Variants in TREM1 observed in about 807,000 individuals in gnomAD.
The protein encoded by TREM1 is triggering receptor expressed on monocytes 1.
Under a neutral mutation model 22.4 loss-of-function variants are expected in TREM1, and 16 were observed. That is an observed-to-expected ratio of 0.71 (90% CI 0.48 to 1.08). The LOEUF is 1.08. Among genes scored for constraint, TREM1 ranks in the 50% least tolerant of loss-of-function variants. The probability of loss-of-function intolerance (pLI) is 0.00; values close to 1 mark genes in which losing one functional copy is unlikely to be tolerated. For synonymous variants in TREM1, 110 were observed against 111.6 expected, an observed-to-expected ratio of 0.99 and a Z score of 0.09; for missense variants, 283 against 282.9, an observed-to-expected ratio of 1.00 and a Z score of 0.00.
At chr6:41,267,835 A>G (rs1767371225), downstream of TREM1, 2 of 397,420 alleles carry the variant, frequency 5.0e-6, no homozygotes, top group Non-Finnish European at 8.9e-6. Flanking sequence ...GTTTGGTTAC[A>G]TGAAGATCTT....
chr6:41,272,307 C>T (rs574551870), downstream of TREM1, among the ~76,000 whole-genome samples: 1 of 152,238 alleles, frequency 6.6e-6, no homozygotes, highest in South Asian at 2.1e-4. Flanking sequence ...GCGTCACTCA[C>T]CCCTTCAGGC....
At position 41,274,298 on chromosome 6, in the gene TREM1, A is replaced by G. The variant is rs182460396; in HGVS notation, c.*1827T>C. Among the ~76,000 whole-genome samples, 5 of 152,232 alleles carry G rather than the reference A, an allele frequency of 3.3e-5. No homozygotes were observed. The highest frequency in any genetic ancestry group is 1.9e-4 in the East Asian group (1 of 5,168). ...GTCTGCAGGGGCCCTGGACTCATAAAGCATTTGCTTTATGCTCCAGGAGAA... is the reference window on the plus strand; with the variant it reads ...GTCTGCAGGGGCCCTGGACTCATAAGGCATTTGCTTTATGCTCCAGGAGAA... On this transcript the variant is annotated 3_prime_UTR_variant, in exon 4 of 4. Transcript: ENST00000244709.
rs778281672 is a variant in TREM1, at chr6:41,282,557, C to T, written c.244G>A (p.Val82Met). 3.1e-6 allele frequency: 5 copies of T among 1,614,100 alleles called. No homozygotes were observed. The highest frequency in any genetic ancestry group is 4.2e-6 in the Non-Finnish European group (5 of 1,180,050). Reference protein sequence around the residue: ...RPSKNSHPVQVGRIILEDYHD... With the variant: ...RPSKNSHPVQMGRIILEDYHD... ...TAGTCTTCTAGTATGATCCTCCCCACTTGGACTGGATGGGAATTCTTTGAA... is the reference window on the plus strand; with the variant it reads ...TAGTCTTCTAGTATGATCCTCCCCATTTGGACTGGATGGGAATTCTTTGAA... Residue 82 changes from valine (V) to methionine (M), a missense_variant, in exon 2 of 4, where the codon GTG (valine) becomes ATG (methionine). Val to Met is a conservative substitution (Grantham distance 21, BLOSUM62 1). Coordinates refer to ENST00000244709, the MANE Select transcript of TREM1 (RefSeq NM_018643.5).
At chr6:41,284,134 G>T (rs149112461) in intron 1 of TREM1, among the ~76,000 whole-genome samples, 1 of 152,058 alleles carries the variant, frequency 6.6e-6, no homozygotes, top group Non-Finnish European at 1.5e-5. Flanking sequence ...TCACAGCAGT[G>T]GTTCTCCACT....
At chr6:41,282,903 G>T in intron 1 of TREM1, 152 bp from the exon 2 acceptor site, 2 of 715,988 alleles carry the variant, frequency 2.8e-6, no homozygotes, top group Non-Finnish European at 2.4e-6. Flanking sequence ...AACTTGCCCT[G>T]CAAGCCAGCA....
chr6:41,284,829 G>A (rs1028373497), intron 1 of TREM1, among the ~76,000 whole-genome samples: 4 of 152,210 alleles, frequency 2.6e-5, no homozygotes, highest in Non-Finnish European at 5.9e-5. Context: ...AGTCTTGAAA[G>A]CCAGTTCTTC....
chr6:41,276,135 A>G lies in TREM1; in HGVS notation c.695T>C (p.Phe232Ser). ...SVLFAVTLRS[F>S]VP The stretch of plus-strand genomic sequence containing the variant: ...CGTGGGTTCGTGGGCCTAGGGTACA[A>G]ATGACCTCAGCGTGACAGCAAACAG... The change falls in exon 4 of 4, where the codon TTT becomes TCT. Residue 232 changes from phenylalanine to serine, a missense_variant. Transcript: ENST00000244709. The G allele has an allele frequency of 1.2e-6, 2 of 1,614,038 alleles. No individual in the cohort carries two copies. Among genetic ancestry groups the G allele is most frequent in the South Asian group, 2.2e-5 (2 of 91,066 alleles).
intron 1 of TREM1, 41 bp downstream of exon 1, chr6:41,286,566 G>T: frequency 1.9e-6 from 3 of 1,611,478 alleles, no homozygotes; most frequent in Non-Finnish European, 2.5e-6. Flanking sequence ...CGAGATCCTG[G>T]ACCAAACGCC....
downstream of TREM1, among the ~76,000 whole-genome samples, chr6:41,272,349 C>T (rs1484897662): frequency 6.6e-6 from 1 of 152,176 alleles, no homozygotes; most frequent in Non-Finnish European, 1.5e-5. Flanking sequence ...CCACTGACCC[C>T]TACAACCCGC....
At chr6:41,273,580 C>G (rs1276554664), downstream of TREM1, among the ~76,000 whole-genome samples, 2 of 152,362 alleles carry the variant, frequency 1.3e-5, no homozygotes, top group South Asian at 2.1e-4. Context: ...GTCAAGATAA[C>G]AGCAAGACAC....
intron 3 of TREM1, among the ~76,000 whole-genome samples, chr6:41,276,446 G>T (rs1767675358): frequency 6.6e-6 from 1 of 152,162 alleles, no homozygotes; most frequent in African/African-American, 2.4e-5. Flanking sequence ...CTGTCCAGGA[G>T]AGGCACTGGA....
At chr6:41,284,624 G>C (rs759720593) in intron 1 of TREM1, among the ~76,000 whole-genome samples, 5 of 152,190 alleles carry the variant, frequency 3.3e-5, no homozygotes, top group Non-Finnish European at 5.9e-5. Context: ...TGGGTCTACT[G>C]TGTGGGTCAC....
At position 41,281,006 on chromosome 6, in the gene TREM1, G is replaced by C. The variant is rs763514628; in HGVS notation, c.554C>G (p.Thr185Ser). Residue 185 changes from threonine (T) to serine (S), a missense_variant, in exon 3 of 4, where the codon ACT (threonine) becomes AGT (serine). By Grantham distance (58) the Thr-to-Ser change is moderately conservative (BLOSUM62 1). Transcript: ENST00000244709. ...APPKSTADVS[T>S]PDSEINLTNV... is the part of the protein sequence containing the mutation. The stretch of plus-strand genomic sequence containing the variant: ...TGTAAGGTTGATTTCAGAGTCAGGA[G>C]TGGAGACATCGGCAGTTGACTTGGG... 6.2e-7 allele frequency: 1 copy of C among 1,614,266 alleles called. No homozygotes were observed. Among genetic ancestry groups the C allele is most frequent in the South Asian group, 1.1e-5 (1 of 91,088 alleles).
At chr6:41,281,304 G>T in intron 2 of TREM1, 151 bp from the exon 3 acceptor site, 1 of 885,660 alleles carries the variant, frequency 1.1e-6, no homozygotes, top group Non-Finnish European at 1.7e-6. Flanking sequence ...GGAGGGAAAT[G>T]AGCATGGCCC....
At chr6:41,271,936 G>GAGC (rs1348859845), downstream of TREM1, among the ~76,000 whole-genome samples, 1 of 152,000 alleles carries the variant, frequency 6.6e-6, no homozygotes, top group African/African-American at 2.4e-5. Context: ...GCAGCAGCAG[G>GAGC]AGCAGCAGCA....
chr6:41,286,014 C>T (rs946725427), intron 1 of TREM1, among the ~76,000 whole-genome samples: 3 of 152,154 alleles, frequency 2.0e-5, no homozygotes, highest in East Asian at 3.9e-4. Flanking sequence ...GTGAGCTGTG[C>T]GGATCGTAAG....
At chr6:41,280,176 T>C in intron 3 of TREM1, 1 of 953,732 alleles carries the variant, frequency 1.0e-6, no homozygotes. Flanking sequence ...AAAAAAGACA[T>C]GTTAGACTAG....
In TREM1 at chr6:41,280,923, G is replaced by C. The variant is rs1344122415; in HGVS notation, c.599+38C>G. The stretch of plus-strand genomic sequence containing the variant: ...CACAGACTGGGAAACAAAGGGCTCA[G>C]TGTCCAAACCAGGGGCCCAGGGACC... On this transcript the variant is annotated intron_variant, in intron 3 of 3. Transcript: ENST00000244709. The C allele has an allele frequency of 2.5e-6, 4 of 1,614,008 alleles. No individual in the cohort carries two copies. The South Asian group carries it at 4.4e-5, about 18-fold the overall frequency.
intron 3 of TREM1, chr6:41,280,689 T>TGGGG: frequency 7.0e-7 from 1 of 1,420,244 alleles, no homozygotes; most frequent in East Asian, 2.5e-5. Context: ...CACTGGAACT[T>TGGGG]GGGGAAGATG....
Sources: allele counts gnomAD v4.1 joint callset (sites outside exome capture counted in the v4.1 genomes callset), GRCh38; gene constraint gnomAD v4.1.1; transcripts MANE v1.5; gene names NCBI Gene and HGNC (gene_info 2026-07-23, HGNC 2026-07-21).